WDR33: variants seen among roughly 807,000 people sequenced by gnomAD.
WDR33 encodes the protein WD repeat domain 33, also known as pre-mRNA 3' end processing protein WDR33.
Under a neutral mutation model 164.9 loss-of-function variants are expected in WDR33, and 47 were observed. That is an observed-to-expected ratio of 0.29 (90% CI 0.23 to 0.36). The LOEUF is 0.36. Ranked by LOEUF, WDR33 falls within the 10% of genes least tolerant of loss-of-function variation. WDR33 has a pLI of 1.00. For missense variants in WDR33, 1,137 were observed against 1,754.1 expected, an observed-to-expected ratio of 0.65 and a Z score of 6.28; for synonymous variants, 505 against 589.0, an observed-to-expected ratio of 0.86 and a Z score of 2.06.
At chr2:127,711,614 A>T in intron 18 of WDR33, among the ~76,000 whole-genome samples, 1 of 148,326 alleles carries the variant, frequency 6.7e-6, no homozygotes, top group African/African-American at 2.5e-5. Flanking sequence ...TTTATTTTTA[A>T]CCTCCCTATC....
intron 7 of WDR33, among the ~76,000 whole-genome samples, chr2:127,754,474 A>G (rs555118649): frequency 6.6e-6 from 1 of 152,216 alleles, no homozygotes. Context: ...GAAGGAGTGC[A>G]GTGGCGCGAT....
chr2:127,749,680 A>G (rs1388389687), intron 7 of WDR33, among the ~76,000 whole-genome samples: 2 of 151,004 alleles, frequency 1.3e-5, no homozygotes, highest in African/African-American at 4.9e-5. Flanking sequence ...AAAAAAAAAG[A>G]AATGCCATAG....
At chr2:127,747,438 GA>G (rs75753938) in intron 7 of WDR33, among the ~76,000 whole-genome samples, 2,630 of 124,868 alleles carry the variant, frequency 0.021, 54 homozygotes, top group African/African-American at 0.069. Context: ...CTGCTCTACC[GA>G]AAAAAAAAAA....
rs933816608 is a variant in WDR33, at chr2:127,702,735, C to T, written c.*3588G>A. The T allele has an allele frequency of 4.2e-5, 7 of 167,136 alleles. No individual in the cohort carries two copies. The East Asian group carries it at 1.3e-3, about 32-fold the overall frequency. 10.4% of individuals were successfully genotyped at this position (167,136 alleles called of 1,614,324 possible). On this transcript the variant is annotated 3_prime_UTR_variant, in exon 22 of 22. Transcript: ENST00000322313. ...GATGGTTTATCTCGGGTTTTTTCTT[C>T]AGTTAACAAAATCATAAATATGGTG... is the stretch of plus-strand genomic sequence containing the variant.
intron 1 of WDR33, among the ~76,000 whole-genome samples, chr2:127,802,107 G>A (rs1689270248): frequency 6.6e-6 from 1 of 151,774 alleles, no homozygotes; most frequent in African/African-American, 2.4e-5. Context: ...CTTGAACCCA[G>A]GAGTGAGCTG....
At position 127,726,027 on chromosome 2, in the gene WDR33, G is replaced by T. The variant is rs961880784; in HGVS notation, c.851+624C>A. ...AGCATTCACAAGGCATTCCAGGTTG[G>T]CATGGTCATTGGGGTTGTACAACAA... On this transcript the variant is annotated intron_variant, in intron 8 of 21. Coordinates refer to ENST00000322313, the MANE Select transcript of WDR33 (RefSeq NM_018383.5). The surrounding 1 kb of genome is among the most constrained non-coding windows in gnomAD (Gnocchi z 4.8). Among the ~76,000 whole-genome samples, 3 of 152,060 alleles carry T rather than the reference G, an allele frequency of 2.0e-5. No homozygotes were observed. The highest frequency in any genetic ancestry group is 7.2e-5 in the African/African-American group (3 of 41,402).
rs576891607 is a variant in WDR33 at position 127,720,010 on chromosome 2, T to C, written c.2015A>G (p.His672Arg). 3 of 1,613,788 alleles carry C rather than the reference T, an allele frequency of 1.9e-6. No homozygotes were observed. The highest frequency in any genetic ancestry group is 1.7e-5 in the Admixed American group (1 of 59,994). Residue 672 changes from histidine to arginine, a missense_variant, in exon 16 of 22, where the codon CAT becomes CGT. His to Arg is a conservative substitution (Grantham distance 29). Coordinates refer to ENST00000322313, the MANE Select transcript of WDR33 (RefSeq NM_018383.5). This position sits in a 1 kb window ranked among gnomAD's most constrained non-coding sequence, Gnocchi z 5.9. ...ATGCCTCTGCATTCCTTGGGGCCCA[T>C]GCATGTCCTGAGGCCGTGGCAACCC... ...PQGLPRPQDM[H>R]GPQGMQRHPG... is the part of the protein sequence containing the mutation.
At chr2:127,768,577 A>G (rs549018897) in intron 3 of WDR33, among the ~76,000 whole-genome samples, 2 of 152,322 alleles carry the variant, frequency 1.3e-5, no homozygotes, top group Admixed American at 6.5e-5. Context: ...TTAGTACTTA[A>G]AGTCAACATA....
chr2:127,713,408 C>T lies in WDR33; in HGVS notation c.3308+175G>A, dbSNP rs1297136489. On this transcript the variant is annotated intron_variant, in intron 18 of 21. Transcript: ENST00000322313. The surrounding 1 kb of genome is among the most constrained non-coding windows in gnomAD (Gnocchi z 6.2). ...CTAGACAGCAAAGATTAAAACAAGA[C>T]TAAGGTTAAAAAGCACACTTTTTTT... Among the ~76,000 whole-genome samples the T allele has an allele frequency of 6.6e-6, 1 of 152,196 alleles. No individual in the cohort carries two copies. The highest frequency in any genetic ancestry group is 1.9e-4 in the East Asian group (1 of 5,200).
At chr2:127,799,337 TA>T (rs1328558606) in intron 1 of WDR33, among the ~76,000 whole-genome samples, 7 of 151,838 alleles carry the variant, frequency 4.6e-5, no homozygotes, top group East Asian at 1.9e-4. Context: ...GAAAAAAAGT[TA>T]AAAAAAGGAA....
Position 127,763,419 on chromosome 2 carries a change from TC to T in WDR33, c.627-261del. The T allele has an allele frequency of 8.3e-7, 1 of 1,210,998 alleles. No homozygotes were observed. Among genetic ancestry groups the T allele is most frequent in the Non-Finnish European group, 1.0e-6 (1 of 968,516 alleles). The allele number at this position is 1,210,998 out of a possible 1,614,324, so 75.0% of individuals were successfully genotyped here. On this transcript the variant is annotated intron_variant, in intron 6 of 21. Transcript: ENST00000322313. This position sits in a 1 kb window ranked among gnomAD's most constrained non-coding sequence, Gnocchi z 4.5. The stretch of plus-strand genomic sequence containing the variant: ...GTGTGTATTATTAGTGCTAATGCTA[TC>T]CATGTTCCTTCTCTATTTTCTATGA...
At position 127,708,352 on chromosome 2, in the gene WDR33, T is replaced by C. The variant is rs1341943968; in HGVS notation, c.3781+325A>G. ...ACTCTTCCCCTCCCACTGAGAGCCC[T>C]TGAGGGTTCCAAGCAGCCTTGTGGA... On this transcript the variant is annotated intron_variant, in intron 21 of 21. Transcript: ENST00000322313. This position sits in a 1 kb window ranked among gnomAD's most constrained non-coding sequence, Gnocchi z 6.7. Among the ~76,000 whole-genome samples, 2 of 152,102 alleles carry C rather than the reference T, an allele frequency of 1.3e-5. No homozygotes were observed. The highest frequency in any genetic ancestry group is 2.4e-5 in the African/African-American group (1 of 41,422).
rs1221744251 is a variant in WDR33 at position 127,721,671 on chromosome 2, A to G, written c.1671+165T>C. Among the ~76,000 whole-genome samples the G allele has an allele frequency of 2.6e-5, 4 of 152,224 alleles. No homozygotes were observed. The highest frequency in any genetic ancestry group is 4.4e-5 in the Non-Finnish European group (3 of 68,036). ...AACACATTTTAAAAAATTTTAAGAA[A>G]CAGGATTCTTTTGGAAACTAGTCTT... On this transcript the variant is annotated intron_variant, in intron 15 of 21. Coordinates refer to ENST00000322313, the MANE Select transcript of WDR33 (RefSeq NM_018383.5). This position sits in a 1 kb window ranked among gnomAD's most constrained non-coding sequence, Gnocchi z 4.9.
intron 1 of WDR33, among the ~76,000 whole-genome samples, chr2:127,795,059 T>C (rs2105486508): frequency 6.6e-6 from 1 of 151,082 alleles, no homozygotes; most frequent in South Asian, 2.1e-4. Context: ...ATGGTGAACA[T>C]GGAATCTGTA....
chr2:127,705,640 T>C lies in WDR33; in HGVS notation c.*683A>G, dbSNP rs577909040. The stretch of plus-strand genomic sequence containing the variant: ...TCGTTGGACATCCAGAAGATTGCAT[T>C]TTCTCTTCAGAGTACAATTTTCCAT... On this transcript the variant is annotated 3_prime_UTR_variant, in exon 22 of 22. Coordinates refer to ENST00000322313, the MANE Select transcript of WDR33 (RefSeq NM_018383.5). The surrounding 1 kb of genome is among the most constrained non-coding windows in gnomAD (Gnocchi z 4.5). 6.6e-6 allele frequency: 1 copy of C among 152,358 alleles called. No homozygotes were observed. Among genetic ancestry groups the C allele is most frequent in the Admixed American group, 6.5e-5 (1 of 15,310 alleles). The allele number at this position is 152,358 out of a possible 1,614,324, so 9.4% of individuals were successfully genotyped here. A position where few individuals can be genotyped will look rare whatever the true frequency, so the allele number is the denominator to read the frequency against.
At chr2:127,747,979 C>G (rs1687214659) in intron 7 of WDR33, among the ~76,000 whole-genome samples, 1 of 152,160 alleles carries the variant, frequency 6.6e-6, no homozygotes, top group Non-Finnish European at 1.5e-5. Context: ...ACTCCAAGAC[C>G]ATGGCAAAGT....
chr2:127,722,593 G>A lies in WDR33; in HGVS notation c.1516C>T (p.Gln506Ter). Residue 506 changes from glutamine to a stop codon, truncating the protein, a stop_gained and splice_region_variant, in exon 14 of 22, where the codon CAG becomes TAG. Transcript: ENST00000322313. LOFTEE classifies it high-confidence loss of function. The surrounding 1 kb of genome is among the most constrained non-coding windows in gnomAD (Gnocchi z 5.1). ...YAKPIPAQFQ[Q>*]AWMQNKVPIP... ...GAGGTGGAGTCACTTTTACTTACCT[G>A]CTGGAACTGAGCAGGAATGGGTTTT... 1 of 1,613,180 alleles carries A rather than the reference G, an allele frequency of 6.2e-7. No individual in the cohort carries two copies. The highest frequency in any genetic ancestry group is 8.5e-7 in the Non-Finnish European group (1 of 1,179,778).
chr2:127,711,059 C>A (rs1029232704), intron 18 of WDR33, among the ~76,000 whole-genome samples: 2 of 152,176 alleles, frequency 1.3e-5, no homozygotes, highest in African/African-American at 4.8e-5. Flanking sequence ...CCTATATAAT[C>A]ACAATACCTT....
At position 127,719,765 on chromosome 2, in the gene WDR33, G is replaced by A. The variant is rs1686385759; in HGVS notation, c.2260C>T (p.His754Tyr). The A allele has an allele frequency of 3.7e-6, 6 of 1,613,916 alleles. No homozygotes were observed. The highest frequency in any genetic ancestry group is 4.2e-6 in the Non-Finnish European group (5 of 1,179,994). The change falls in exon 16 of 22, where the codon CAT becomes TAT. Residue 754 changes from histidine to tyrosine, a missense_variant. Physicochemically the swap from His to Tyr is moderately conservative, Grantham distance 83 (BLOSUM62 2). Around this residue, in one of 9 missense-constraint regions of WDR33, gnomAD observed 867 missense variants for 1,073.0 expected, o/e 0.81. Transcript: ENST00000322313. This position sits in a 1 kb window ranked among gnomAD's most constrained non-coding sequence, Gnocchi z 6.5. Reference sequence around the variant, plus strand: ...GGTCCGCCTTGGATCCCATGAGGATGAGGAGGCCCTTGCATTCCTCTGGGA... The same window carrying A: ...GGTCCGCCTTGGATCCCATGAGGATAAGGAGGCCCTTGCATTCCTCTGGGA... Reference protein sequence around the residue: ...PGPRGMQGPPHPHGIQGGPGS... With the variant: ...PGPRGMQGPPYPHGIQGGPGS...
Sources: gnomAD v4.1 joint callset for allele counts (sites outside exome capture counted in the v4.1 genomes callset) on GRCh38, gnomAD v4.1.1 for gene constraint, gnomAD v4.1.1 regional missense constraint, Gnocchi (gnomAD v3.1) non-coding constraint, MANE v1.5 for transcripts, NCBI Gene and HGNC (gene_info 2026-07-23, HGNC 2026-07-21) for gene names.